Variants in PTPRM observed in about 807,000 individuals in gnomAD.
PTPRM encodes protein tyrosine phosphatase receptor type M.
Under a neutral mutation model 186.7 loss-of-function variants are expected in PTPRM, and 47 were observed. That is an observed-to-expected ratio of 0.25 (90% CI 0.20 to 0.32). The LOEUF (loss-of-function observed/expected upper bound fraction) is 0.32. PTPRM is among the 10% of genes least tolerant of loss of function. PTPRM has a pLI of 1.00. For synonymous variants in PTPRM, 668 were observed against 674.9 expected, an observed-to-expected ratio of 0.99 and a Z score of 0.16; for missense variants, 1,494 against 1,865.0, an observed-to-expected ratio of 0.80 and a Z score of 3.66.
At chr18:8,337,701 G>A (rs1035516021) in intron 22 of PTPRM, among the ~76,000 whole-genome samples, 1 of 152,142 alleles carries the variant, frequency 6.6e-6, no homozygotes, top group African/African-American at 2.4e-5. Flanking sequence ...AGTGACTTTT[G>A]GACTGCTCAG....
intron 1 of PTPRM, among the ~76,000 whole-genome samples, chr18:7,622,592 G>A (rs1164259273): frequency 6.6e-6 from 1 of 152,160 alleles, no homozygotes; most frequent in Non-Finnish European, 1.5e-5. Context: ...GTCATCAAGA[G>A]ATGCTGTCCT....
At chr18:7,750,545 C>A (rs1237814822) in intron 1 of PTPRM, among the ~76,000 whole-genome samples, 1 of 152,106 alleles carries the variant, frequency 6.6e-6, no homozygotes, top group Non-Finnish European at 1.5e-5. Context: ...CTATTAGAGC[C>A]AATAGAAGTT....
chr18:7,794,324 A>G (rs1393338015), intron 2 of PTPRM, among the ~76,000 whole-genome samples: 2 of 152,120 alleles, frequency 1.3e-5, no homozygotes, highest in African/African-American at 4.8e-5. Context: ...TCACCCCTAG[A>G]CACTGCTCTG....
chr18:8,401,622 C>T (rs959098129), intron 32 of PTPRM, among the ~76,000 whole-genome samples: 18 of 152,174 alleles, frequency 1.2e-4, no homozygotes, highest in South Asian at 2.1e-4. Flanking sequence ...CTTTGGAGGC[C>T]GTTGATGTGG....
intron 5 of PTPRM, among the ~76,000 whole-genome samples, chr18:7,948,177 A>ACG (rs1491577165): frequency 7.1e-6 from 1 of 140,666 alleles, no homozygotes; most frequent in Non-Finnish European, 1.6e-5. Context: ...ACACACACAC[A>ACG]GGTTTCCGCT....
intron 2 of PTPRM, among the ~76,000 whole-genome samples, chr18:7,861,996 C>G (rs983132642): frequency 6.6e-6 from 1 of 151,972 alleles, no homozygotes; most frequent in Non-Finnish European, 1.5e-5. Flanking sequence ...TGCACATGGT[C>G]ATAAGGGACG....
At chr18:8,322,327 A>G (rs1378566172) in intron 22 of PTPRM, among the ~76,000 whole-genome samples, 3 of 152,190 alleles carry the variant, frequency 2.0e-5, no homozygotes, top group African/African-American at 4.8e-5. Flanking sequence ...GACCTTTGAT[A>G]ATAATGGGTG....
rs377182615 is a variant in PTPRM, at chr18:7,842,930, G to GTGTGTATATATATATATATA, written c.197-45175_197-45174insGTGTATATATATATATATAT. Among the ~76,000 whole-genome samples, 14 of 100,932 alleles carry GTGTGTATATATATATATATA rather than the reference G, an allele frequency of 1.4e-4. 1 individual carries two copies. The highest frequency in any genetic ancestry group is 5.4e-4 in the African/African-American group (11 of 20,210). 66.2% of individuals were successfully genotyped at this position (100,932 alleles called of 152,430 possible). A position where few individuals can be genotyped will look rare whatever the true frequency, so the allele number is the denominator to read the frequency against. On this transcript the variant is annotated intron_variant, in intron 2 of 32. Coordinates refer to ENST00000580170, the MANE Select transcript of PTPRM (RefSeq NM_001105244.2). ...CTCATATGTGTGTGTGTGTGTGTGT[G>GTGTGTATATATATATATATA]TATATATATATATATATAGAGAGAG... is the stretch of plus-strand genomic sequence containing the variant.
intron 29 of PTPRM, among the ~76,000 whole-genome samples, chr18:8,381,285 C>T (rs1377819031): frequency 6.6e-6 from 1 of 150,848 alleles, no homozygotes; most frequent in Non-Finnish European, 1.5e-5. Context: ...GAAGTTTGAC[C>T]TTAGCGTGTT....
chr18:8,090,753 C>T (rs1307099204), intron 11 of PTPRM, among the ~76,000 whole-genome samples: 2 of 152,090 alleles, frequency 1.3e-5, no homozygotes, highest in Non-Finnish European at 2.9e-5. Flanking sequence ...TGCTACTGCA[C>T]CCAGCTAATT....
chr18:8,280,292 C>T (rs2094887059), intron 19 of PTPRM, among the ~76,000 whole-genome samples: 1 of 151,850 alleles, frequency 6.6e-6, no homozygotes, highest in African/African-American at 2.4e-5. Context: ...AGGATCCACC[C>T]ATATGACCTT....
At chr18:8,150,948 C>T (rs2092991983) in intron 14 of PTPRM, among the ~76,000 whole-genome samples, 1 of 152,136 alleles carries the variant, frequency 6.6e-6, no homozygotes, top group Admixed American at 6.5e-5. Flanking sequence ...GCCTGGGTAT[C>T]ACCAGCGGAG....
chr18:8,353,387 G>A (rs1374996799), intron 23 of PTPRM, among the ~76,000 whole-genome samples: 2 of 152,178 alleles, frequency 1.3e-5, no homozygotes, highest in African/African-American at 4.8e-5. Context: ...TGACCATTAA[G>A]AAAAGGCTGA....
At chr18:8,056,003 A>C (rs181875137) in intron 7 of PTPRM, among the ~76,000 whole-genome samples, 37 of 152,290 alleles carry the variant, frequency 2.4e-4, no homozygotes, top group African/African-American at 8.9e-4. Context: ...CATCCTACGC[A>C]ATTAAAAAAA....
intron 2 of PTPRM, among the ~76,000 whole-genome samples, chr18:7,803,455 A>G (rs1285326828): frequency 6.6e-6 from 1 of 151,906 alleles, no homozygotes; most frequent in African/African-American, 2.4e-5. Flanking sequence ...CACCTGGATA[A>G]TCTCCCCATC....
rs751624252 is a variant in PTPRM at position 7,774,245 on chromosome 18, C to T, written c.170C>T (p.Pro57Leu). ...GAGCAAGTGAACACCTTGACTAAAC[C>T]GACTTCTGATCCATGGATGCCATCA... Reference protein sequence around the residue: ...NWEQVNTLTKPTSDPWMPSGS... With the variant: ...NWEQVNTLTKLTSDPWMPSGS... Residue 57 changes from proline to leucine, a missense_variant, in exon 2 of 33, where the codon CCG (proline) becomes CTG (leucine). Pro to Leu is a moderately conservative substitution (Grantham distance 98, BLOSUM62 -3). This residue lies in a region of PTPRM where 296 missense variants were observed against 345.5 expected (regional missense o/e 0.86). Transcript: ENST00000580170. 22 of 1,613,838 alleles carry T rather than the reference C, an allele frequency of 1.4e-5. No individual in the cohort carries two copies. Among genetic ancestry groups the T allele is most frequent in the East Asian group, 4.5e-5 (2 of 44,854 alleles).
intron 1 of PTPRM, among the ~76,000 whole-genome samples, chr18:7,667,175 G>A (rs2039115388): frequency 6.6e-6 from 1 of 152,154 alleles, no homozygotes; most frequent in Non-Finnish European, 1.5e-5. Flanking sequence ...TTAATCATGA[G>A]CATAATTAAT....
At chr18:8,376,851 G>C (rs2095699323) in intron 26 of PTPRM, 1 of 411,826 alleles carries the variant, frequency 2.4e-6, no homozygotes, top group African/African-American at 2.1e-5. Context: ...CTGTATTAAG[G>C]GACCCAAAAA....
intron 7 of PTPRM, among the ~76,000 whole-genome samples, chr18:7,964,872 C>T (rs1402428584): frequency 1.3e-5 from 2 of 152,034 alleles, no homozygotes; most frequent in Admixed American, 1.3e-4. Flanking sequence ...ACCCAGGGTC[C>T]CTGTTCTGCA....
Sources: gnomAD v4.1 joint callset for allele counts (sites outside exome capture counted in the v4.1 genomes callset) on GRCh38, gnomAD v4.1.1 for gene constraint, gnomAD v4.1.1 regional missense constraint, MANE v1.5 for transcripts, NCBI Gene and HGNC (gene_info 2026-07-23, HGNC 2026-07-21) for gene names.